The following BCAT1 variants were observed in gnomAD, a reference collection of about 807,000 sequenced individuals.
BCAT1 encodes the protein branched-chain-amino-acid aminotransferase, cytosolic.
A neutral mutation model predicts 52.4 loss-of-function variants in BCAT1; 48 were observed. That is an observed-to-expected ratio of 0.92 (90% CI 0.73 to 1.16). BCAT1 has a LOEUF of 1.16. Ranked by LOEUF, BCAT1 falls within the 50% of genes most tolerant of loss-of-function variation. BCAT1 has a pLI of 0.00. For synonymous variants in BCAT1, 167 were observed against 161.3 expected (o/e 1.04, Z -0.27); for missense variants, 451 against 457.1 (o/e 0.99, Z 0.12).
chr12:24,826,647 G>A (rs1331045106), intron 10 of BCAT1, among the ~76,000 whole-genome samples: 1 of 151,998 alleles, frequency 6.6e-6, no homozygotes, highest in East Asian at 1.9e-4. Flanking sequence ...ATACATTTTA[G>A]GATTGTTTTT....
At chr12:24,942,393 A>G (rs1943862834) in intron 1 of BCAT1, among the ~76,000 whole-genome samples, 1 of 152,004 alleles carries the variant, frequency 6.6e-6, no homozygotes, top group South Asian at 2.1e-4. Context: ...ATACAAAAAT[A>G]CAAAGCCAAG....
At chr12:24,945,817 C>T (rs1327712595) in intron 1 of BCAT1, 1 of 152,128 alleles carries the variant, frequency 6.6e-6, no homozygotes, top group African/African-American at 2.4e-5. Context: ...CAGTGAGATT[C>T]TGTCAAAAAA....
At chr12:24,929,451 A>G (rs1943646465) in intron 1 of BCAT1, among the ~76,000 whole-genome samples, 1 of 152,226 alleles carries the variant, frequency 6.6e-6, no homozygotes. Context: ...ATTTCCAGTT[A>G]GTTATTCTGA....
rs750236779 is a variant in BCAT1 at position 24,907,450 on chromosome 12, T to C, written c.7-5565A>G. On this transcript the variant is annotated intron_variant, in intron 1 of 10. Coordinates refer to ENST00000261192, the MANE Select transcript of BCAT1 (RefSeq NM_005504.7). ...TCATATCCCCTGTGACCTGCACGTATACATCCAGATGGCCTGAAGCAACTG... is the reference window on the plus strand; with the variant it reads ...TCATATCCCCTGTGACCTGCACGTACACATCCAGATGGCCTGAAGCAACTG... 3.3e-5 allele frequency among the ~76,000 whole-genome samples: 5 copies of C among 152,368 alleles called. No homozygotes were observed. The South Asian group carries it at 8.3e-4, about 25-fold the overall frequency.
At chr12:24,940,146 A>C (rs986373350) in intron 1 of BCAT1, among the ~76,000 whole-genome samples, 8 of 152,352 alleles carry the variant, frequency 5.3e-5, no homozygotes, top group African/African-American at 1.9e-4. Context: ...TGTAATCACA[A>C]ACAATGCTGC....
At chr12:24,858,950 C>T (rs1228204901) in intron 5 of BCAT1, among the ~76,000 whole-genome samples, 4 of 152,074 alleles carry the variant, frequency 2.6e-5, no homozygotes, top group Non-Finnish European at 5.9e-5. Flanking sequence ...AAAATATTAG[C>T]TAAAGTTAAA....
intron 1 of BCAT1, among the ~76,000 whole-genome samples, chr12:24,930,133 T>C (rs1943656778): frequency 6.6e-6 from 1 of 152,246 alleles, no homozygotes; most frequent in African/African-American, 2.4e-5. Context: ...TATTGCATCA[T>C]GGTCACTTAC....
chr12:24,939,442 T>G (rs1943816843), intron 1 of BCAT1, among the ~76,000 whole-genome samples: 1 of 152,244 alleles, frequency 6.6e-6, no homozygotes, highest in Non-Finnish European at 1.5e-5. Context: ...AGTATACACA[T>G]TACATTTAAC....
chr12:24,825,384 T>A (rs1940349815), intron 10 of BCAT1, among the ~76,000 whole-genome samples: 1 of 152,114 alleles, frequency 6.6e-6, no homozygotes, highest in Admixed American at 6.6e-5. Context: ...TTCTCCATAG[T>A]GGCTGTACTA....
intron 3 of BCAT1, among the ~76,000 whole-genome samples, chr12:24,892,678 C>T (rs1382880556): frequency 2.0e-5 from 3 of 151,770 alleles, no homozygotes; most frequent in African/African-American, 7.3e-5. Flanking sequence ...CATGGCAAAA[C>T]CCAGTCTCAA....
chr12:24,926,720 G>T (rs1231124015), intron 1 of BCAT1, among the ~76,000 whole-genome samples: 1 of 152,086 alleles, frequency 6.6e-6, no homozygotes, highest in Non-Finnish European at 1.5e-5. Context: ...GATTAAGGGC[G>T]GTGCAAGATG....
intron 1 of BCAT1, among the ~76,000 whole-genome samples, chr12:24,932,842 C>T (rs1399919887): frequency 6.6e-6 from 1 of 151,840 alleles, no homozygotes; most frequent in African/African-American, 2.4e-5. Flanking sequence ...GATGGAGTCT[C>T]GCTCCGTCGC....
In BCAT1 at chr12:24,873,509, A is replaced by T. The variant is rs530376950; in HGVS notation, c.510+5021T>A. Among the ~76,000 whole-genome samples the T allele has an allele frequency of 1.1e-4, 16 of 152,348 alleles. No individual in the cohort carries two copies. The East Asian group carries it at 3.1e-3, about 29-fold the overall frequency. ...TATTTGTGTACCATACTGATGCTAT[A>T]CATTCAGGTCAGTGATTATCCTGTA... On this transcript the variant is annotated intron_variant, in intron 5 of 10. Coordinates refer to ENST00000261192, the MANE Select transcript of BCAT1 (RefSeq NM_005504.7).
At chr12:24,847,087 T>C (rs186134888) in intron 6 of BCAT1, among the ~76,000 whole-genome samples, 1 of 152,336 alleles carries the variant, frequency 6.6e-6, no homozygotes, top group East Asian at 1.9e-4. Context: ...CACTTTCTAT[T>C]ATCTCACTTA....
intron 1 of BCAT1, among the ~76,000 whole-genome samples, chr12:24,909,399 C>G (rs1410730052): frequency 2.6e-5 from 4 of 152,132 alleles, no homozygotes; most frequent in Non-Finnish European, 5.9e-5. Flanking sequence ...ATGCCAAGTC[C>G]CATTCAACGA....
chr12:24,830,199 T>G lies in BCAT1; in HGVS notation c.1045-302A>C, dbSNP rs1212187087. On this transcript the variant is annotated intron_variant, in intron 9 of 10. Transcript: ENST00000261192. Reference sequence around the variant, plus strand: ...GAACCAAGGAGGAGCTACAGTTACCTAAAATAGTGGCTAAACTTAAAGAAC... The same window carrying G: ...GAACCAAGGAGGAGCTACAGTTACCGAAAATAGTGGCTAAACTTAAAGAAC... 63 of 250,244 alleles carry G rather than the reference T, an allele frequency of 2.5e-4. No homozygotes were observed. The Admixed American group carries it at 3.4e-3, about 14-fold the overall frequency. The allele number at this position is 250,244 out of a possible 1,614,324, so 15.5% of individuals were successfully genotyped here. A position where few individuals can be genotyped will look rare whatever the true frequency, so the allele number is the denominator to read the frequency against.
rs12296452 is a variant in BCAT1 at position 24,885,680 on chromosome 12, C to T, written c.280-4269G>A. Among the ~76,000 whole-genome samples the T allele has an allele frequency of 8.8e-3, 1,339 of 152,286 alleles. 21 individuals carry two copies. Among genetic ancestry groups the T allele is most frequent in the African/African-American group, 0.03 (1,244 of 41,558 alleles). On this transcript the variant is annotated intron_variant, in intron 3 of 10. Transcript: ENST00000261192. Reference sequence around the variant, plus strand: ...CATTATAATGACTGAGAAACCAAGACTGTGGCATTTATGCAGACAAGTAAA... The same window carrying T: ...CATTATAATGACTGAGAAACCAAGATTGTGGCATTTATGCAGACAAGTAAA...
rs530405075 is a variant in BCAT1 at position 24,921,889 on chromosome 12, C to T, written c.7-20004G>A. Among the ~76,000 whole-genome samples, 40 of 152,190 alleles carry T rather than the reference C, an allele frequency of 2.6e-4. 1 individual carries two copies. The South Asian group carries it at 6.9e-3, about 26-fold the overall frequency. ...TTGGCTCTATAAATTGCCAGGTGCA[C>T]ATCAAAGGAAAGCATGAAAAAAATA... On this transcript the variant is annotated intron_variant, in intron 1 of 10. Transcript: ENST00000261192.
At chr12:24,944,539 G>C (rs1943907494) in intron 1 of BCAT1, among the ~76,000 whole-genome samples, 2 of 152,182 alleles carry the variant, frequency 1.3e-5, no homozygotes, top group African/African-American at 4.8e-5. Flanking sequence ...CTTCTATGGA[G>C]TCAAATAGAA....
Sources: allele counts gnomAD v4.1 joint callset (sites outside exome capture counted in the v4.1 genomes callset), GRCh38; gene constraint gnomAD v4.1.1; transcripts MANE v1.5; gene names NCBI Gene and HGNC (gene_info 2026-07-23, HGNC 2026-07-21).